Variants in PTPRM observed in about 807,000 individuals in gnomAD.
The protein encoded by PTPRM is receptor-type tyrosine-protein phosphatase mu.
A neutral mutation model predicts 186.7 loss-of-function variants in PTPRM; 47 were observed. The ratio of observed to expected loss-of-function variants is 0.25; its 90% CI spans 0.20 to 0.32. The LOEUF is 0.32. Among genes scored for constraint, PTPRM ranks in the 10% least tolerant of loss-of-function variants. The pLI is 1.00. For synonymous variants in PTPRM, 668 were observed against 674.9 expected (o/e 0.99, Z 0.16); for missense variants, 1,494 against 1,865.0 (o/e 0.80, Z 3.66).
intron 7 of PTPRM, among the ~76,000 whole-genome samples, chr18:7,977,133 A>T (rs534047185): frequency 6.6e-6 from 1 of 151,904 alleles, no homozygotes; most frequent in East Asian, 1.9e-4. Flanking sequence ...CTTTTTGCCC[A>T]GGCTGGAGTG....
intron 1 of PTPRM, among the ~76,000 whole-genome samples, chr18:7,698,508 A>G (rs1227850229): frequency 6.6e-6 from 1 of 152,240 alleles, no homozygotes; most frequent in Middle Eastern, 3.2e-3. Flanking sequence ...GGATGATGGA[A>G]ACTTACCTCA....
intron 1 of PTPRM, among the ~76,000 whole-genome samples, chr18:7,724,171 A>T (rs1378084613): frequency 6.6e-6 from 1 of 152,042 alleles, no homozygotes; most frequent in Non-Finnish European, 1.5e-5. Flanking sequence ...GTCACTTAGT[A>T]CATTTGTTGA....
chr18:8,386,119 C>A (rs2095771100), intron 30 of PTPRM, among the ~76,000 whole-genome samples: 3 of 152,076 alleles, frequency 2.0e-5, no homozygotes, highest in Admixed American at 2.0e-4. Flanking sequence ...GGATCAGAAG[C>A]TCAATTGTAG....
chr18:8,317,975 A>G (rs1315240970), intron 21 of PTPRM, among the ~76,000 whole-genome samples: 1 of 152,200 alleles, frequency 6.6e-6, no homozygotes, highest in Admixed American at 6.5e-5. Context: ...TCATGGCTCT[A>G]TAATTTGAGA....
chr18:7,943,865 A>G (rs1254610908), intron 5 of PTPRM, among the ~76,000 whole-genome samples: 1 of 152,106 alleles, frequency 6.6e-6, no homozygotes, highest in Non-Finnish European at 1.5e-5. Flanking sequence ...CCTTATTTTA[A>G]TCATACCTGC....
chr18:7,968,366 A>G (rs2147270717), intron 7 of PTPRM, among the ~76,000 whole-genome samples: 1 of 148,078 alleles, frequency 6.8e-6, no homozygotes, highest in African/African-American at 2.6e-5. Context: ...CAAAATGTAA[A>G]GACCATTGAG....
intron 2 of PTPRM, among the ~76,000 whole-genome samples, chr18:7,798,628 C>T (rs2043794731): frequency 6.6e-6 from 1 of 151,890 alleles, no homozygotes; most frequent in Non-Finnish European, 1.5e-5. Context: ...CAATCTCTTT[C>T]AGTTCAGCTC....
At position 8,195,587 on chromosome 18, in the gene PTPRM, C is replaced by T. The variant is rs574127665; in HGVS notation, c.2301-48471C>T. On this transcript the variant is annotated intron_variant, in intron 14 of 32. Coordinates refer to ENST00000580170, the MANE Select transcript of PTPRM (RefSeq NM_001105244.2). ...AAGACTGAAAGAAGTCATGTCTTTG[C>T]AGCAGCATGAAGGAACTAGAGGCCA... 5.9e-4 allele frequency among the ~76,000 whole-genome samples: 90 copies of T among 152,168 alleles called. 1 individual carries two copies. The highest frequency in any genetic ancestry group is 1.6e-4 in the Non-Finnish European group (11 of 68,036).
At chr18:8,161,393 G>T (rs2093225905) in intron 14 of PTPRM, among the ~76,000 whole-genome samples, 1 of 152,088 alleles carries the variant, frequency 6.6e-6, no homozygotes, top group African/African-American at 2.4e-5. Context: ...GCCTAGGGGG[G>T]CCAGTAGAGT....
intron 2 of PTPRM, among the ~76,000 whole-genome samples, chr18:7,792,831 AT>A (rs1568136940): frequency 6.6e-6 from 1 of 151,872 alleles, no homozygotes; most frequent in African/African-American, 2.4e-5. Context: ...CACCTGGCTA[AT>A]TTTTTTGTTT....
At chr18:7,768,084 C>T (rs1234578701) in intron 1 of PTPRM, among the ~76,000 whole-genome samples, 1 of 152,200 alleles carries the variant, frequency 6.6e-6, no homozygotes, top group Admixed American at 6.5e-5. Flanking sequence ...GACTAAGACA[C>T]AGTTATAATC....
At chr18:7,857,106 T>A (rs919745578) in intron 2 of PTPRM, among the ~76,000 whole-genome samples, 2 of 152,128 alleles carry the variant, frequency 1.3e-5, no homozygotes, top group Admixed American at 1.3e-4. Flanking sequence ...GCAGAATGAG[T>A]TTCTGGCTTT....
At chr18:8,076,158 C>T (rs2089797594) in intron 8 of PTPRM, among the ~76,000 whole-genome samples, 1 of 152,096 alleles carries the variant, frequency 6.6e-6, no homozygotes, top group African/African-American at 2.4e-5. Context: ...TGAGAATTCT[C>T]ATCACTTGAA....
intron 1 of PTPRM, among the ~76,000 whole-genome samples, chr18:7,606,967 G>T (rs1249039958): frequency 6.6e-6 from 1 of 152,020 alleles, no homozygotes; most frequent in Non-Finnish European, 1.5e-5. Context: ...ACTCCACCCA[G>T]CTCATCTGGG....
intron 4 of PTPRM, among the ~76,000 whole-genome samples, chr18:7,911,277 T>C (rs1476495802): frequency 6.6e-6 from 1 of 152,232 alleles, no homozygotes; most frequent in Non-Finnish European, 1.5e-5. Context: ...CTCAGACATA[T>C]ACTTAGGAGC....
At chr18:8,011,847 C>T (rs2084549471) in intron 7 of PTPRM, among the ~76,000 whole-genome samples, 1 of 152,176 alleles carries the variant, frequency 6.6e-6, no homozygotes, top group Admixed American at 6.5e-5. Context: ...AGGGATCCCT[C>T]CTTCACCTTG....
intron 7 of PTPRM, among the ~76,000 whole-genome samples, chr18:8,055,520 A>G (rs2087859315): frequency 6.6e-6 from 1 of 152,132 alleles, no homozygotes. Context: ...AAAATTGGTC[A>G]TTTTCAGTGA....
chr18:7,705,180 A>C (rs1190853407), intron 1 of PTPRM, among the ~76,000 whole-genome samples: 1 of 152,154 alleles, frequency 6.6e-6, no homozygotes, highest in Non-Finnish European at 1.5e-5. Flanking sequence ...CAATGAAATA[A>C]ATATATCAAA....
chr18:7,844,276 A>G (rs1416956167), intron 2 of PTPRM, among the ~76,000 whole-genome samples: 2 of 152,212 alleles, frequency 1.3e-5, no homozygotes, highest in Non-Finnish European at 2.9e-5. Context: ...TGCTTCCTAC[A>G]TGTAAAATAC....
Sources: allele counts gnomAD v4.1 joint callset (sites outside exome capture counted in the v4.1 genomes callset), GRCh38; gene constraint gnomAD v4.1.1; transcripts MANE v1.5; gene names NCBI Gene and HGNC (gene_info 2026-07-23, HGNC 2026-07-21).